TTC23: variants seen among roughly 807,000 people sequenced by gnomAD.
TTC23 encodes the protein tetratricopeptide repeat domain 23, also known as tetratricopeptide repeat protein 23.
Under a neutral mutation model 55.1 loss-of-function variants are expected in TTC23, and 58 were observed. That is an observed-to-expected ratio of 1.05 (90% CI 0.85 to 1.31). The LOEUF is 1.31. Ranked by LOEUF, TTC23 falls within the 50% of genes most tolerant of loss-of-function variation. The pLI, the probability that TTC23 is intolerant of heterozygous loss-of-function variation, is 0.00. For synonymous variants in TTC23, 203 were observed against 199.9 expected (o/e 1.02, Z -0.13); for missense variants, 516 against 534.4 (o/e 0.97, Z 0.34).
chr15:99,173,020 T>C (rs1321479137), intron 10 of TTC23, among the ~76,000 whole-genome samples: 5 of 152,172 alleles, frequency 3.3e-5, no homozygotes, highest in African/African-American at 7.2e-5. Flanking sequence ...ATACCTGCAG[T>C]GAGTACACTG....
In TTC23 at chr15:99,155,876, A is replaced by G. The variant is rs1348652666; in HGVS notation, c.1143+272T>C. On this transcript the variant is annotated intron_variant, in intron 12 of 13. Coordinates refer to ENST00000394132, the MANE Select transcript of TTC23 (RefSeq NM_001288615.3). ...TCAGTATAGAGAGAGCACCGCAAAC[A>G]TAAAGGACTGATCAATTGTACTACG... 7.8e-6 allele frequency: 4 copies of G among 512,622 alleles called. No individual in the cohort carries two copies. In the South Asian group the frequency reaches 1.2e-4, roughly 15 times the overall value. 31.8% of individuals were successfully genotyped at this position (512,622 alleles called of 1,614,324 possible). A position where few individuals can be genotyped will look rare whatever the true frequency, so the allele number is the denominator to read the frequency against.
chr15:99,148,310 G>A (rs1313354724), intron 12 of TTC23, among the ~76,000 whole-genome samples: 3 of 127,324 alleles, frequency 2.4e-5, no homozygotes, highest in African/African-American at 6.1e-5. Context: ...GCAGTGAGCC[G>A]AGATCGCGAC....
intron 9 of TTC23, among the ~76,000 whole-genome samples, chr15:99,177,995 C>G (rs2073757346): frequency 1.3e-5 from 2 of 152,012 alleles, no homozygotes; most frequent in Admixed American, 1.3e-4. Context: ...GCCTGGGCAA[C>G]ATAGTGAGAC....
rs1555486880 is a variant in TTC23, at chr15:99,136,480, C to G, written c.*1530G>C. 1 of 152,264 alleles carries G rather than the reference C, an allele frequency of 6.6e-6. No individual in the cohort carries two copies. Among genetic ancestry groups the G allele is most frequent in the African/African-American group, 2.4e-5 (1 of 41,464 alleles). 9.4% of individuals were successfully genotyped at this position (152,264 alleles called of 1,614,324 possible). A position where few individuals can be genotyped will look rare whatever the true frequency, so the allele number is the denominator to read the frequency against. On this transcript the variant is annotated 3_prime_UTR_variant, in exon 14 of 14. Transcript: ENST00000394132. ...CTCAAGGTGCCAACAGTTTCATTTC[C>G]TGGTGAGGGCTCTCTTCCGGGCCTG...
intron 8 of TTC23, among the ~76,000 whole-genome samples, chr15:99,217,179 CAG>C (rs1567511842): frequency 5.4e-5 from 8 of 148,396 alleles, no homozygotes; most frequent in Non-Finnish European, 1.5e-5. Context: ...TTTTTTGAGA[CAG>C]AGTCTCACTC....
At chr15:99,170,986 T>A (rs1382352078) in intron 10 of TTC23, among the ~76,000 whole-genome samples, 2 of 152,184 alleles carry the variant, frequency 1.3e-5, no homozygotes, top group South Asian at 2.1e-4. Context: ...GGGGTAGGAA[T>A]AGTTTGAGGG....
upstream of TTC23, among the ~76,000 whole-genome samples, chr15:99,250,045 C>T (rs1015655525): frequency 1.3e-5 from 2 of 152,068 alleles, no homozygotes; most frequent in African/African-American, 4.8e-5. Flanking sequence ...TTTCAAAAAA[C>T]TGTTCTACTG....
Position 99,169,713 on chromosome 15 carries a change from C to T in TTC23, c.865+5337G>A, listed in dbSNP as rs554825027. On this transcript the variant is annotated intron_variant, in intron 10 of 13. Transcript: ENST00000394132. The stretch of plus-strand genomic sequence containing the variant: ...TGGGTGAGATGCAGTGACTAGCTTC[C>T]GATACTGACATTTTTCCAGTCTACT... Among the ~76,000 whole-genome samples the T allele has an allele frequency of 1.5e-4, 23 of 152,218 alleles. No homozygotes were observed. The South Asian group carries it at 3.5e-3, about 23-fold the overall frequency.
At chr15:99,141,737 G>A (rs2068253719) in intron 12 of TTC23, among the ~76,000 whole-genome samples, 1 of 152,130 alleles carries the variant, frequency 6.6e-6, no homozygotes, top group Non-Finnish European at 1.5e-5. Flanking sequence ...ATAAGCTGTG[G>A]AAACTATAAA....
chr15:99,230,716 T>G (rs764022565), intron 4 of TTC23, among the ~76,000 whole-genome samples: 1 of 152,232 alleles, frequency 6.6e-6, no homozygotes, highest in Non-Finnish European at 1.5e-5. Context: ...TTCTTATCTT[T>G]AAAGTATGGA....
intron 10 of TTC23, among the ~76,000 whole-genome samples, chr15:99,174,811 A>C (rs1401323656): frequency 6.6e-6 from 1 of 152,218 alleles, no homozygotes; most frequent in African/African-American, 2.4e-5. Flanking sequence ...TAACATTTGG[A>C]TAGAGATTGG....
chr15:99,151,732 A>AT (rs1430045964), intron 12 of TTC23, among the ~76,000 whole-genome samples: 1 of 152,128 alleles, frequency 6.6e-6, no homozygotes, highest in Non-Finnish European at 1.5e-5. Flanking sequence ...GCTTCCAAAC[A>AT]TTTTTTAAGC....
intron 9 of TTC23, among the ~76,000 whole-genome samples, chr15:99,196,469 CA>C (rs1198557496): frequency 6.6e-6 from 1 of 152,138 alleles, no homozygotes; most frequent in Non-Finnish European, 1.5e-5. Context: ...TTGATACTAA[CA>C]AAAGTTGTAA....
intron 10 of TTC23, among the ~76,000 whole-genome samples, chr15:99,163,745 C>A (rs1351077657): frequency 6.6e-6 from 1 of 152,142 alleles, no homozygotes; most frequent in Non-Finnish European, 1.5e-5. Flanking sequence ...ATAAAATACA[C>A]CATCAGAGAG....
chr15:99,223,156 G>A (rs2078094116), intron 5 of TTC23, among the ~76,000 whole-genome samples: 1 of 152,202 alleles, frequency 6.6e-6, no homozygotes, highest in African/African-American at 2.4e-5. Flanking sequence ...TCAGGCCACA[G>A]TCTAAAGGAA....
At chr15:99,149,755 C>T (rs554757259) in intron 12 of TTC23, among the ~76,000 whole-genome samples, 46 of 152,334 alleles carry the variant, frequency 3.0e-4, no homozygotes, top group African/African-American at 1.1e-3. Context: ...GTCTGACCTG[C>T]GGAGTTGCTG....
intron 8 of TTC23, among the ~76,000 whole-genome samples, chr15:99,213,174 T>C (rs1238482610): frequency 6.6e-6 from 1 of 152,094 alleles, no homozygotes; most frequent in Middle Eastern, 3.2e-3. Context: ...CAAAATACAT[T>C]TCAATAAGGA....
intron 9 of TTC23, among the ~76,000 whole-genome samples, chr15:99,188,777 T>C (rs1473003526): frequency 6.6e-6 from 1 of 152,116 alleles, no homozygotes; most frequent in Non-Finnish European, 1.5e-5. Flanking sequence ...TCTCATTCAT[T>C]AGATTGGAAT....
At chr15:99,198,075 C>A (rs942657049) in intron 9 of TTC23, among the ~76,000 whole-genome samples, 2 of 152,108 alleles carry the variant, frequency 1.3e-5, no homozygotes, top group African/African-American at 4.8e-5. Flanking sequence ...CAGTTCTTTT[C>A]TCTCTCCATC....
Sources: allele counts gnomAD v4.1 joint callset (sites outside exome capture counted in the v4.1 genomes callset), GRCh38; gene constraint gnomAD v4.1.1; transcripts MANE v1.5; gene names NCBI Gene and HGNC (gene_info 2026-07-23, HGNC 2026-07-21).